Variants in SEL1L2 observed in about 807,000 individuals in gnomAD.
The protein encoded by SEL1L2 is protein sel-1 homolog 2.
Under a neutral mutation model 98.8 loss-of-function variants are expected in SEL1L2, and 89 were observed. The observed-to-expected ratio is 0.90, with a 90% CI of 0.76 to 1.07. The LOEUF is 1.07. SEL1L2 is among the 50% of genes least tolerant of loss of function. The probability of loss-of-function intolerance (pLI) is 0.00; values close to 1 mark genes in which losing one functional copy is unlikely to be tolerated. For missense variants in SEL1L2, 788 were observed against 812.0 expected (o/e 0.97, Z 0.36); for synonymous variants, 262 against 278.5 (o/e 0.94, Z 0.59).
intron 10 of SEL1L2, among the ~76,000 whole-genome samples, chr20:13,882,738 T>A (rs1159050933): frequency 1.3e-5 from 2 of 152,062 alleles, no homozygotes; most frequent in Non-Finnish European, 2.9e-5. Context: ...ATGGTTATTA[T>A]TGAAAACCAC....
At chr20:13,963,997 G>A (rs930163286) in intron 1 of SEL1L2, among the ~76,000 whole-genome samples, 3 of 151,878 alleles carry the variant, frequency 2.0e-5, no homozygotes, top group African/African-American at 7.3e-5. Context: ...TCAGCCTCCC[G>A]AGTAGTTGGG....
At chr20:13,941,421 A>G (rs939826640) in intron 2 of SEL1L2, among the ~76,000 whole-genome samples, 1 of 152,212 alleles carries the variant, frequency 6.6e-6, no homozygotes, top group Non-Finnish European at 1.5e-5. Context: ...CTTCTTGAAT[A>G]AAGCTAACTT....
intron 2 of SEL1L2, among the ~76,000 whole-genome samples, chr20:13,950,761 T>C (rs1278659766): frequency 6.6e-6 from 1 of 152,212 alleles, no homozygotes; most frequent in East Asian, 1.9e-4. Flanking sequence ...GCTACGTTTC[T>C]ATCTTCATCT....
chr20:13,872,679 A>T (rs1051381517), intron 12 of SEL1L2, among the ~76,000 whole-genome samples: 6 of 152,142 alleles, frequency 3.9e-5, no homozygotes, highest in Non-Finnish European at 8.8e-5. Flanking sequence ...AATAGCAGGG[A>T]CAAATTACTT....
At chr20:13,850,351 A>AT in intron 18 of SEL1L2, 32 bp from the exon 19 acceptor site, 1 of 1,612,162 alleles carries the variant, frequency 6.2e-7, no homozygotes, top group Admixed American at 1.7e-5. Context: ...TACCCATCAG[A>AT]TTCTGTAGGG....
upstream of SEL1L2, among the ~76,000 whole-genome samples, chr20:13,992,804 A>G (rs1313703144): frequency 2.0e-5 from 3 of 151,998 alleles, no homozygotes; most frequent in African/African-American, 7.3e-5. Context: ...CAAGATGGCT[A>G]CCTTCTTGCT....
intron 8 of SEL1L2, among the ~76,000 whole-genome samples, chr20:13,887,266 CCTT>C (rs1326568274): frequency 5.9e-5 from 9 of 152,088 alleles, no homozygotes; most frequent in Non-Finnish European, 1.2e-4. Context: ...TTTTTTTCCT[CCTT>C]CTTTCTTTTC....
intron 1 of SEL1L2, among the ~76,000 whole-genome samples, chr20:13,981,420 T>C (rs1180404183): frequency 1.3e-5 from 2 of 152,180 alleles, no homozygotes; most frequent in African/African-American, 4.8e-5. Flanking sequence ...TATTCTGTAT[T>C]TCAAAATTAC....
chr20:13,852,183 T>A (rs1988374819), intron 18 of SEL1L2, among the ~76,000 whole-genome samples: 1 of 152,234 alleles, frequency 6.6e-6, no homozygotes, highest in Admixed American at 6.5e-5. Flanking sequence ...TCATGCTTAT[T>A]TCTTGTTTTG....
At chr20:13,989,678 G>C (rs1261922754) in intron 1 of SEL1L2, among the ~76,000 whole-genome samples, 1 of 152,102 alleles carries the variant, frequency 6.6e-6, no homozygotes, top group African/African-American at 2.4e-5. Flanking sequence ...AAAGCCTGTT[G>C]AATTTTGTCA....
At chr20:13,966,472 C>T (rs921615145) in intron 1 of SEL1L2, among the ~76,000 whole-genome samples, 2 of 152,012 alleles carry the variant, frequency 1.3e-5, no homozygotes, top group South Asian at 2.1e-4. Context: ...GCGCCCATTA[C>T]CACACCCAGC....
chr20:13,992,838 G>C (rs116486458), upstream of SEL1L2, among the ~76,000 whole-genome samples: 460 of 152,176 alleles, frequency 3.0e-3, 5 homozygotes, highest in African/African-American at 0.011. Flanking sequence ...GCAGGGAAAG[G>C]GGGTGGGAGG....
intron 2 of SEL1L2, among the ~76,000 whole-genome samples, chr20:13,934,316 T>A (rs1365835609): frequency 2.0e-5 from 1 of 49,158 alleles, no homozygotes; most frequent in Non-Finnish European, 4.3e-5. Context: ...TTTTTATGAC[T>A]GAGTAGTATT....
intron 4 of SEL1L2, among the ~76,000 whole-genome samples, chr20:13,917,864 G>A (rs186434601): frequency 7.4e-5 from 9 of 121,808 alleles, no homozygotes; most frequent in African/African-American, 2.9e-4. Flanking sequence ...TTATTGCATG[G>A]TCTTGGCTCA....
chr20:13,977,592 A>G (rs2051604641), intron 1 of SEL1L2, among the ~76,000 whole-genome samples: 1 of 151,860 alleles, frequency 6.6e-6, no homozygotes, highest in Admixed American at 6.6e-5. Context: ...CCTTATGTGC[A>G]AAAAAAAGTG....
intron 5 of SEL1L2, among the ~76,000 whole-genome samples, chr20:13,896,390 A>C (rs2047425318): frequency 6.6e-6 from 1 of 152,130 alleles, no homozygotes; most frequent in Admixed American, 6.6e-5. Flanking sequence ...GAATGGCGTG[A>C]ACCCGGAAGG....
At chr20:13,902,878 G>T (rs1232954339) in intron 5 of SEL1L2, among the ~76,000 whole-genome samples, 2 of 152,110 alleles carry the variant, frequency 1.3e-5, no homozygotes, top group Admixed American at 6.5e-5. Flanking sequence ...AGTACTTTGG[G>T]AAGCCAAGGC....
intron 1 of SEL1L2, among the ~76,000 whole-genome samples, chr20:13,987,942 C>A (rs2052317036): frequency 6.6e-6 from 1 of 152,140 alleles, no homozygotes; most frequent in South Asian, 2.1e-4. Flanking sequence ...GTTTCAGTTT[C>A]TTGAAGATAT....
intron 1 of SEL1L2, among the ~76,000 whole-genome samples, chr20:13,959,404 T>A (rs769328146): frequency 6.6e-6 from 1 of 152,066 alleles, no homozygotes; most frequent in African/African-American, 2.4e-5. Flanking sequence ...TGAATCCCAG[T>A]GAAACCATGA....
Sources: allele counts gnomAD v4.1 joint callset (sites outside exome capture counted in the v4.1 genomes callset), GRCh38; gene constraint gnomAD v4.1.1; transcripts MANE v1.5; gene names NCBI Gene and HGNC (gene_info 2026-07-23, HGNC 2026-07-21).